The following COL5A2 variants were observed in gnomAD, a reference collection of about 807,000 sequenced individuals.
COL5A2 encodes the protein collagen alpha-2(V) chain.
In COL5A2, 23 loss-of-function variants were observed where a neutral mutation model predicts 208.2. The ratio of observed to expected loss-of-function variants is 0.11; its 90% CI spans 0.08 to 0.16. The LOEUF is 0.16. Ranked by LOEUF, COL5A2 falls within the 10% of genes least tolerant of loss-of-function variation. COL5A2 has a pLI of 1.00. For missense variants in COL5A2, 1,590 were observed against 1,956.4 expected (o/e 0.81, Z 3.53); for synonymous variants, 625 against 628.5 (o/e 0.99, Z 0.08).
At chr2:189,304,083 T>C in the COL5A2 span, among the ~76,000 whole-genome samples, 2 of 152,130 alleles carry the variant, frequency 1.3e-5, no homozygotes, top group Admixed American at 6.5e-5. Flanking sequence ...TTAAGGCCTG[T>C]ATGTATGTAT....
intron 1 of COL5A2, among the ~76,000 whole-genome samples, chr2:189,221,063 C>A (rs940009916): frequency 3.3e-5 from 5 of 152,074 alleles, no homozygotes; most frequent in African/African-American, 1.2e-4. Context: ...CCATAGAAGG[C>A]TATTAAAAAT....
chr2:189,359,592 T>C, the COL5A2 span, among the ~76,000 whole-genome samples: 1 of 152,172 alleles, frequency 6.6e-6, no homozygotes, highest in Admixed American at 6.5e-5. Context: ...AGAATGAGAA[T>C]AGAAGTATTC....
chr2:189,116,573 G>A (rs1041815249), intron 1 of COL5A2, among the ~76,000 whole-genome samples: 2 of 152,154 alleles, frequency 1.3e-5, no homozygotes, highest in African/African-American at 4.8e-5. Flanking sequence ...TCAGCCTCAA[G>A]ATCTATGGGA....
intron 1 of COL5A2, among the ~76,000 whole-genome samples, chr2:189,156,702 A>G (rs1049056661): frequency 2.0e-5 from 3 of 152,160 alleles, no homozygotes; most frequent in African/African-American, 7.2e-5. Flanking sequence ...GACATTTCTC[A>G]ACTATGTTTT....
intron 49 of COL5A2, among the ~76,000 whole-genome samples, chr2:189,042,501 T>C (rs1311099110): frequency 6.6e-6 from 1 of 152,128 alleles, no homozygotes; most frequent in Admixed American, 6.6e-5. Flanking sequence ...CCCTAGGTAA[T>C]AAATTTTATT....
chr2:189,384,403 C>T, the COL5A2 span, among the ~76,000 whole-genome samples: 1 of 152,124 alleles, frequency 6.6e-6, no homozygotes, highest in Non-Finnish European at 1.5e-5. Flanking sequence ...TTCTCCACAT[C>T]CTCAGCAGAA....
At chr2:189,412,177 T>C in the COL5A2 span, among the ~76,000 whole-genome samples, 2 of 152,152 alleles carry the variant, frequency 1.3e-5, no homozygotes, top group Non-Finnish European at 2.9e-5. Context: ...AGGTCCACAT[T>C]CTACAAGCAC....
chr2:189,364,143 T>C, the COL5A2 span, among the ~76,000 whole-genome samples: 1 of 152,232 alleles, frequency 6.6e-6, no homozygotes, highest in Non-Finnish European at 1.5e-5. Flanking sequence ...AGTTATTACA[T>C]GAACACACAT....
chr2:189,123,588 C>T (rs1392344324), intron 1 of COL5A2, among the ~76,000 whole-genome samples: 1 of 152,046 alleles, frequency 6.6e-6, no homozygotes, highest in Non-Finnish European at 1.5e-5. Context: ...TTATCAAGCA[C>T]CCCTAGGAAA....
the COL5A2 span, among the ~76,000 whole-genome samples, chr2:189,291,056 C>G: frequency 6.6e-6 from 1 of 152,072 alleles, no homozygotes; most frequent in Non-Finnish European, 1.5e-5. Flanking sequence ...AACATTATCT[C>G]AAAGACACAT....
chr2:189,325,321 A>ATAT, the COL5A2 span, among the ~76,000 whole-genome samples: 8 of 111,108 alleles, frequency 7.2e-5, no homozygotes, highest in South Asian at 9.6e-4. Context: ...ATAATAAAAA[A>ATAT]AAATATATAT....
chr2:189,114,624 C>A, intron 1 of COL5A2, among the ~76,000 whole-genome samples: 2 of 140,770 alleles, frequency 1.4e-5, no homozygotes, highest in Admixed American at 7.2e-5. Flanking sequence ...ATTCAAGGCC[C>A]AGGACTTAAA....
intron 17 of COL5A2, among the ~76,000 whole-genome samples, chr2:189,074,705 A>G (rs1215203914): frequency 6.6e-6 from 1 of 152,202 alleles, no homozygotes; most frequent in Non-Finnish European, 1.5e-5. Context: ...TCATCCATCA[A>G]ACACTTTAAA....
rs73978821 is a variant in COL5A2, at chr2:189,063,870, A to G, written c.1770+110T>C. On this transcript the variant is annotated intron_variant, in intron 26 of 53. Coordinates refer to ENST00000374866, the MANE Select transcript of COL5A2 (RefSeq NM_000393.5). ...TCCAGAAGTTGGTACAAATATGTCA[A>G]TATGACCAGCATCCATATAATCAAA... The G allele has an allele frequency of 1.2e-4, 104 of 859,288 alleles. No homozygotes were observed. The African/African-American group carries it at 1.7e-3, about 14-fold the overall frequency. The allele number at this position is 859,288 out of a possible 1,614,324, so 53.2% of individuals were successfully genotyped here. A position where few individuals can be genotyped will look rare whatever the true frequency, so the allele number is the denominator to read the frequency against.
the COL5A2 span, among the ~76,000 whole-genome samples, chr2:189,338,880 A>G: frequency 2.7e-4 from 41 of 151,834 alleles, no homozygotes; most frequent in African/African-American, 9.7e-4. Flanking sequence ...ACCAAGCCCA[A>G]TCTTCCATTT....
chr2:189,057,833 T>C (rs1238420591), intron 33 of COL5A2, among the ~76,000 whole-genome samples: 4 of 152,200 alleles, frequency 2.6e-5, no homozygotes, highest in Admixed American at 2.0e-4. Context: ...AGTGTCTAAA[T>C]TGTAGTAGAC....
chr2:189,337,820 C>CAACAAAA, the COL5A2 span, among the ~76,000 whole-genome samples: 1 of 143,702 alleles, frequency 7.0e-6, no homozygotes. Flanking sequence ...TCCATCCTAG[C>CAACAAAA]AAAAAAAAAA....
At chr2:189,407,530 C>T in the COL5A2 span, among the ~76,000 whole-genome samples, 1 of 152,224 alleles carries the variant, frequency 6.6e-6, no homozygotes, top group African/African-American at 2.4e-5. Flanking sequence ...TTTAATGTGA[C>T]CAATTTAATG....
chr2:189,050,881 C>T (rs1203297208), intron 42 of COL5A2, among the ~76,000 whole-genome samples: 1 of 152,032 alleles, frequency 6.6e-6, no homozygotes, highest in African/African-American at 2.4e-5. Flanking sequence ...AACAGCTCAT[C>T]CGTTGGAAAG....
Sources: allele counts gnomAD v4.1 joint callset (sites outside exome capture counted in the v4.1 genomes callset), GRCh38; gene constraint gnomAD v4.1.1; transcripts MANE v1.5; gene names NCBI Gene and HGNC (gene_info 2026-07-23, HGNC 2026-07-21).